Variants in KIF1C observed in about 807,000 individuals in gnomAD.
The protein encoded by KIF1C is kinesin family member 1C.
Under a neutral mutation model 126.5 loss-of-function variants are expected in KIF1C, and 61 were observed. The observed-to-expected ratio is 0.48, with a 90% CI of 0.39 to 0.60. The LOEUF (loss-of-function observed/expected upper bound fraction) is 0.60, where lower values mean the gene tolerates loss of function less well. KIF1C is among the 20% of genes least tolerant of loss of function. The pLI, the probability that KIF1C is intolerant of heterozygous loss-of-function variation, is 0.00. For synonymous variants in KIF1C, 640 were observed against 580.6 expected, an observed-to-expected ratio of 1.10 and a Z score of -1.47; for missense variants, 1,315 against 1,489.2, an observed-to-expected ratio of 0.88 and a Z score of 1.93.
rs368151227 is a variant in KIF1C at position 5,003,902 on chromosome 17, G to A, written c.850G>A (p.Ala284Thr). The A allele has an allele frequency of 8.7e-6, 14 of 1,613,880 alleles. No homozygotes were observed. The highest frequency in any genetic ancestry group is 1.0e-5 in the Non-Finnish European group (12 of 1,179,914). The change falls in exon 10 of 23, where the codon GCC becomes ACC. Residue 284 changes from alanine (A) to threonine (T), a missense_variant. Ala to Thr is a moderately conservative substitution (Grantham distance 58). This residue lies in a region of KIF1C where 874 missense variants were observed against 1,053.2 expected (regional missense o/e 0.83). Transcript: ENST00000320785. Reference sequence around the variant, plus strand: ...GACTACACTAGGGAAAGTGATCTCGGCCCTTGCAGATATGGTGAGACCTGG... The same window carrying A: ...GACTACACTAGGGAAAGTGATCTCGACCCTTGCAGATATGGTGAGACCTGG... ...SLTTLGKVIS[A>T]LADMQSKKRK...
At position 5,002,814 on chromosome 17, in the gene KIF1C, A is replaced by G; in HGVS notation, c.692A>G (p.Asp231Gly). 1 of 1,610,670 alleles carries G rather than the reference A, an allele frequency of 6.2e-7. No individual in the cohort carries two copies. The highest frequency in any genetic ancestry group is 2.2e-5 in the East Asian group (1 of 44,704). ...ATCGTCTTCACACAGCGCTGCCATG[A>G]CCAGCTCACGGGGCTGGACTCGGAG... is the stretch of plus-strand genomic sequence containing the variant. ...FTIVFTQRCH[D>G]QLTGLDSEKV... The change falls in exon 8 of 23, where the codon GAC (aspartate) becomes GGC (glycine). Residue 231 changes from aspartate to glycine, a missense_variant. Around this residue, in one of 2 missense-constraint regions of KIF1C, gnomAD observed 874 missense variants for 1,053.2 expected, o/e 0.83. Transcript: ENST00000320785.
At position 5,026,154 on chromosome 17, in the gene KIF1C, C is replaced by CT. The variant is rs1275511820; in HGVS notation, c.*2006dup. 1 of 152,254 alleles carries CT rather than the reference C, an allele frequency of 6.6e-6. No individual in the cohort carries two copies. Among genetic ancestry groups the CT allele is most frequent in the Non-Finnish European group, 1.5e-5 (1 of 68,062 alleles). The allele number at this position is 152,254 out of a possible 1,614,324, so 9.4% of individuals were successfully genotyped here. On this transcript the variant is annotated 3_prime_UTR_variant, in exon 23 of 23. Coordinates refer to ENST00000320785, the MANE Select transcript of KIF1C (RefSeq NM_006612.6). ...CCACACCCTGATGCTCCTGCCTTTA[C>CT]TTTGACACCTCTGACTGCCAGGTTT...
intron 16 of KIF1C, 61 bp from the exon 17 acceptor site, chr17:5,013,592 T>G: frequency 7.9e-7 from 1 of 1,270,486 alleles, no homozygotes; most frequent in Non-Finnish European, 1.1e-6. Flanking sequence ...ACCGCTCCCT[T>G]TCTTCCTTTC....
chr17:5,024,299 G>A lies in KIF1C; in HGVS notation c.*148G>A. 1 of 585,418 alleles carries A rather than the reference G, an allele frequency of 1.7e-6. No individual in the cohort carries two copies. The highest frequency in any genetic ancestry group is 2.4e-5 in the South Asian group (1 of 41,776). The allele number at this position is 585,418 out of a possible 1,614,324, so 36.3% of individuals were successfully genotyped here. Reference sequence around the variant, plus strand: ...AGTAGGTGATAGAAGACAAGGGGGAGACCGAGCCGGAGGCTGAGGAAAGGA... The same window carrying A: ...AGTAGGTGATAGAAGACAAGGGGGAAACCGAGCCGGAGGCTGAGGAAAGGA... On this transcript the variant is annotated 3_prime_UTR_variant, in exon 23 of 23. Coordinates refer to ENST00000320785, the MANE Select transcript of KIF1C (RefSeq NM_006612.6).
chr17:5,005,174 A>G lies in KIF1C; in HGVS notation c.1165+174A>G, dbSNP rs1332073609. Among the ~76,000 whole-genome samples the G allele has an allele frequency of 2.0e-5, 3 of 152,374 alleles. No individual in the cohort carries two copies. The East Asian group carries it at 5.8e-4, about 29-fold the overall frequency. The stretch of plus-strand genomic sequence containing the variant: ...GGGAACGTATGTCTTCAGATGTTAC[A>G]GAGCTGGGAGGGACTAATTCTCTAG... On this transcript the variant is annotated intron_variant, in intron 13 of 22. Coordinates refer to ENST00000320785, the MANE Select transcript of KIF1C (RefSeq NM_006612.6).
At chr17:5,002,418 T>C in intron 6 of KIF1C, 46 bp from the exon 7 acceptor site, 1 of 1,521,304 alleles carries the variant, frequency 6.6e-7, no homozygotes, top group Non-Finnish European at 9.0e-7. Flanking sequence ...TGCGTTGTCA[T>C]TGTTTTTGCT....
intron 2 of KIF1C, 110 bp from the exon 3 acceptor site, chr17:5,000,110 G>C: frequency 1.6e-6 from 1 of 639,206 alleles, no homozygotes; most frequent in East Asian, 2.7e-5. Context: ...TTGAGAGGCT[G>C]GGTGGCTCTG....
At position 5,003,038 on chromosome 17, in the gene KIF1C, C is replaced by CTTT. The variant is rs576354046; in HGVS notation, c.720+210_720+212dup. On this transcript the variant is annotated intron_variant, in intron 8 of 22. Transcript: ENST00000320785. Reference sequence around the variant, plus strand: ...CTGTCCCCCTCTACTGTTTGCTTGTCTTTTTTTTTTTTTTTTAAGACAGAG... The same window carrying CTTT: ...CTGTCCCCCTCTACTGTTTGCTTGTCTTTTTTTTTTTTTTTTTTTAAGACAGAG... Among the ~76,000 whole-genome samples the CTTT allele has an allele frequency of 3.6e-5, 5 of 140,334 alleles. No homozygotes were observed. In the Admixed American group the frequency reaches 3.6e-4, roughly 10 times the overall value. The allele number at this position is 140,334 out of a possible 152,430, so 92.1% of individuals were successfully genotyped here. A position where few individuals can be genotyped will look rare whatever the true frequency, so the allele number is the denominator to read the frequency against.
At chr17:5,016,895 G>A (rs373692917) in intron 18 of KIF1C, among the ~76,000 whole-genome samples, 1 of 145,034 alleles carries the variant, frequency 6.9e-6, no homozygotes, top group African/African-American at 2.6e-5. Context: ...GACAGAGTGA[G>A]ACTGTTTCAA....
rs1974564942 is a variant in KIF1C, at chr17:5,000,670, G to A, written c.107-102G>A. ...GGGAGAGAAGAGTCAGGACAGTGGT[G>A]AGGAGTGGGATGCTTGGATTCCAGG... On this transcript the variant is annotated intron_variant, in intron 3 of 22. Coordinates refer to ENST00000320785, the MANE Select transcript of KIF1C (RefSeq NM_006612.6). The A allele has an allele frequency of 1.6e-5, 16 of 1,020,838 alleles. No homozygotes were observed. The Admixed American group carries it at 2.8e-4, about 18-fold the overall frequency. The allele number at this position is 1,020,838 out of a possible 1,614,324, so 63.2% of individuals were successfully genotyped here.
chr17:5,020,304 TG>T lies in KIF1C; in HGVS notation c.1751-186del, dbSNP rs1456526313. 6.6e-6 allele frequency among the ~76,000 whole-genome samples: 1 copy of T among 152,210 alleles called. No homozygotes were observed. Among genetic ancestry groups the T allele is most frequent in the Non-Finnish European group, 1.5e-5 (1 of 68,032 alleles). On this transcript the variant is annotated intron_variant, in intron 19 of 22. Transcript: ENST00000320785. The surrounding 1 kb of genome is among the most constrained non-coding windows in gnomAD (Gnocchi z 5.8). ...GATGCCAAGCTCTTGCAATTCCCTT[TG>T]GTTGACAAGAATGGGGTTGGTCCCT...
At chr17:5,003,588 C>G (rs1349893177) in intron 8 of KIF1C, 24 bp from the exon 9 acceptor site, 8 of 1,583,474 alleles carry the variant, frequency 5.1e-6, no homozygotes, top group Non-Finnish European at 6.9e-6. Context: ...CACCTTATCT[C>G]CTGCCTGTTT....
chr17:5,020,486 C>G lies in KIF1C; in HGVS notation c.1751-6C>G. The G allele has an allele frequency of 6.2e-7, 1 of 1,604,740 alleles. No individual in the cohort carries two copies. The highest frequency in any genetic ancestry group is 8.5e-7 in the Non-Finnish European group (1 of 1,174,084). On this transcript the variant is annotated splice_polypyrimidine_tract_variant and splice_region_variant and intron_variant, in intron 19 of 22. Coordinates refer to ENST00000320785, the MANE Select transcript of KIF1C (RefSeq NM_006612.6). This position sits in a 1 kb window ranked among gnomAD's most constrained non-coding sequence, Gnocchi z 5.8. ...CGAGTTTACTTTTCCCTCCTCCCAT[C>G]TCTAGGGAATAGGATTGTGATGGGC...
chr17:5,002,347 T>G (rs1302000053), intron 6 of KIF1C, 117 bp from the exon 7 acceptor site: 1 of 1,069,436 alleles, frequency 9.4e-7, no homozygotes, highest in African/African-American at 1.6e-5. Context: ...ATCTGCAGAA[T>G]GCTTCGCACT....
Position 5,014,811 on chromosome 17 carries a change from G to T in KIF1C, c.1640G>T (p.Arg547Leu), listed in dbSNP as rs764242002. The change falls in exon 18 of 23, where the codon CGG becomes CTG. Residue 547 changes from arginine to leucine, a missense_variant. By Grantham distance (102) the Arg-to-Leu change is moderately radical. This residue lies in a region of KIF1C where 874 missense variants were observed against 1,053.2 expected (regional missense o/e 0.83). Coordinates refer to ENST00000320785, the MANE Select transcript of KIF1C (RefSeq NM_006612.6). ...QFIREQHCLF[R>L]SIPQPDGEVV... is the part of the protein sequence containing the mutation. ...ATTCGGGAGCAACACTGTCTGTTCC[G>T]GAGCATCCCCCAGCCAGATGGAGAA... is the stretch of plus-strand genomic sequence containing the variant. 53 of 1,599,430 alleles carry T rather than the reference G, an allele frequency of 3.3e-5. 1 individual carries two copies. In the South Asian group the frequency reaches 5.8e-4, roughly 18 times the overall value.
Position 5,020,962 on chromosome 17 carries a change from C to A in KIF1C, c.2010+84C>A. ...CCGAGTGCAGTGCTCACCGCTGAGC[C>A]AGAGTGGGAAATGGGCATGGGGGTA... On this transcript the variant is annotated intron_variant, in intron 21 of 22. Coordinates refer to ENST00000320785, the MANE Select transcript of KIF1C (RefSeq NM_006612.6). This position sits in a 1 kb window ranked among gnomAD's most constrained non-coding sequence, Gnocchi z 5.8. 1.6e-6 allele frequency: 2 copies of A among 1,255,716 alleles called. No homozygotes were observed. The highest frequency in any genetic ancestry group is 2.3e-6 in the Non-Finnish European group (2 of 880,768). 77.8% of individuals were successfully genotyped at this position (1,255,716 alleles called of 1,614,324 possible).
At position 5,000,271 on chromosome 17, in the gene KIF1C, GCA is replaced by G; in HGVS notation, c.26_27del (p.Ala9GlyfsTer7). ...TATGGCTGGTGCCTCGGTGAAAGTG[GCA>G]GTGAGGGTTCGGCCCTTTAACGCCC... MAGASVKV[A>X]VRVRPFNARE... On this transcript the variant is annotated frameshift_variant, in exon 3 of 23. Coordinates refer to ENST00000320785, the MANE Select transcript of KIF1C (RefSeq NM_006612.6). LOFTEE classifies it high-confidence loss of function. The G allele has an allele frequency of 6.3e-7, 1 of 1,580,952 alleles. No homozygotes were observed. The highest frequency in any genetic ancestry group is 1.8e-4 in the Middle Eastern group (1 of 5,690).
At chr17:5,017,304 T>TTC (rs1185072266) in intron 18 of KIF1C, among the ~76,000 whole-genome samples, 1 of 144,144 alleles carries the variant, frequency 6.9e-6, no homozygotes, top group Non-Finnish European at 1.5e-5. Context: ...TTTTTTTTTT[T>TTC]TTTTTTTTTT....
rs1156836313 is a variant in KIF1C at position 5,022,866 on chromosome 17, C to T, written c.2628+157C>T. Among the ~76,000 whole-genome samples, 1 of 152,236 alleles carries T rather than the reference C, an allele frequency of 6.6e-6. No homozygotes were observed. Among genetic ancestry groups the T allele is most frequent in the Non-Finnish European group, 1.5e-5 (1 of 68,042 alleles). On this transcript the variant is annotated intron_variant, in intron 22 of 22. Coordinates refer to ENST00000320785, the MANE Select transcript of KIF1C (RefSeq NM_006612.6). The surrounding 1 kb of genome is among the most constrained non-coding windows in gnomAD (Gnocchi z 4.9). ...AATATTGTTTACGAACCACATGCCT[C>T]GCTGTCACCAGGCTGCTAATTAAAA... is the stretch of plus-strand genomic sequence containing the variant.
Sources: allele counts gnomAD v4.1 joint callset (sites outside exome capture counted in the v4.1 genomes callset), GRCh38; gene constraint gnomAD v4.1.1; regional missense constraint gnomAD v4.1.1; non-coding constraint Gnocchi (gnomAD v3.1); transcripts MANE v1.5; gene names NCBI Gene and HGNC (gene_info 2026-07-23, HGNC 2026-07-21).